Variants in HPSE2 observed in about 807,000 individuals in gnomAD.
HPSE2 encodes the protein inactive heparanase-2.
A neutral mutation model predicts 60.5 loss-of-function variants in HPSE2; 38 were observed. The observed-to-expected ratio is 0.63, with a 90% confidence interval of 0.48 to 0.82. HPSE2 has a LOEUF of 0.82. HPSE2 is among the 40% of genes least tolerant of loss of function. The probability of loss-of-function intolerance (pLI) is 0.00; values close to 1 mark genes in which losing one functional copy is unlikely to be tolerated. For missense variants in HPSE2, 713 were observed against 740.4 expected (o/e 0.96, Z 0.43); for synonymous variants, 295 against 293.2 (o/e 1.01, Z -0.06).
intron 9 of HPSE2, among the ~76,000 whole-genome samples, chr10:98,545,033 C>G (rs994157231): frequency 3.3e-5 from 5 of 152,124 alleles, no homozygotes; most frequent in Non-Finnish European, 5.9e-5. Context: ...CACCTCTACG[C>G]AAATAAACTA....
At chr10:98,867,190 A>T (rs1952609117) in intron 3 of HPSE2, among the ~76,000 whole-genome samples, 1 of 152,112 alleles carries the variant, frequency 6.6e-6, no homozygotes, top group African/African-American at 2.4e-5. Context: ...CACTTCATTC[A>T]GACTAAAAGG....
chr10:99,253,744 C>T, the HPSE2 span, among the ~76,000 whole-genome samples: 7,050 of 152,078 alleles, frequency 0.046, 221 homozygotes, highest in Non-Finnish European at 0.071. Context: ...CTATAAGGAA[C>T]TTAAACAACT....
chr10:99,148,039 T>C (rs1564844483), intron 2 of HPSE2, among the ~76,000 whole-genome samples: 1 of 152,234 alleles, frequency 6.6e-6, no homozygotes, highest in Non-Finnish European at 1.5e-5. Flanking sequence ...TTTAGTTGAA[T>C]ACCAGCTTAA....
chr10:98,618,640 G>A (rs1028055650), intron 8 of HPSE2, among the ~76,000 whole-genome samples: 5 of 152,070 alleles, frequency 3.3e-5, no homozygotes, highest in South Asian at 4.1e-4. Context: ...GCTGGAATGC[G>A]GTCTCAGCTC....
chr10:99,048,162 T>C (rs994636265), intron 3 of HPSE2: 5 of 739,324 alleles, frequency 6.8e-6, no homozygotes, highest in Non-Finnish European at 1.2e-5. Flanking sequence ...AACCCTTTGA[T>C]TGCTTGATCT....
intron 3 of HPSE2, among the ~76,000 whole-genome samples, chr10:99,127,579 C>G (rs1269934562): frequency 3.9e-5 from 6 of 152,150 alleles, no homozygotes; most frequent in Non-Finnish European, 8.8e-5. Context: ...ATTTGAGGGA[C>G]TAATTGGAGA....
intron 3 of HPSE2, among the ~76,000 whole-genome samples, chr10:98,914,953 T>C (rs1219247786): frequency 2.7e-5 from 4 of 150,880 alleles, no homozygotes; most frequent in South Asian, 4.3e-4. Context: ...TAAAGCAATA[T>C]ACAAAAGTAT....
At chr10:98,855,998 C>CAACAATAAAATCCAAACCCAGCT (rs1952305314) in intron 3 of HPSE2, among the ~76,000 whole-genome samples, 2 of 152,184 alleles carry the variant, frequency 1.3e-5, no homozygotes, top group South Asian at 4.1e-4. Context: ...GTAACCATAG[C>CAACAATAAAATCCAAACCCAGCT]AACAATAAAA....
chr10:99,207,917 C>A (rs1589822213), intron 2 of HPSE2, among the ~76,000 whole-genome samples: 2 of 151,120 alleles, frequency 1.3e-5, no homozygotes, highest in East Asian at 3.9e-4. Context: ...TACATACATA[C>A]CTATGATAAA....
intron 3 of HPSE2, among the ~76,000 whole-genome samples, chr10:98,919,682 A>G (rs189452701): frequency 7.3e-4 from 111 of 152,358 alleles, no homozygotes; most frequent in African/African-American, 2.5e-3. Context: ...CTTTCTGCTC[A>G]TATCAGAACA....
the HPSE2 span, among the ~76,000 whole-genome samples, chr10:99,307,778 G>A: frequency 6.7e-6 from 1 of 149,734 alleles, no homozygotes; most frequent in Non-Finnish European, 1.5e-5. Context: ...ATGCAAAAAT[G>A]ATAAATATGA....
intron 3 of HPSE2, among the ~76,000 whole-genome samples, chr10:98,759,099 C>G (rs976437957): frequency 6.6e-6 from 1 of 152,102 alleles, no homozygotes. Context: ...AAACCAAACA[C>G]TGCACATTCT....
In HPSE2 at chr10:98,459,579, G is replaced by C; in HGVS notation, c.1774C>G (p.Arg592Gly). 1 of 1,614,078 alleles carries C rather than the reference G, an allele frequency of 6.2e-7. No individual in the cohort carries two copies. Among genetic ancestry groups the C allele is most frequent in the Non-Finnish European group, 8.5e-7 (1 of 1,179,984 alleles). The change falls in exon 12 of 12, where the codon CGA (arginine) becomes GGA (glycine). Residue 592 changes from arginine (R) to glycine (G), a missense_variant. Coordinates refer to ENST00000370552, the MANE Select transcript of HPSE2 (RefSeq NM_021828.5). ...KNVNALACRY[R>G] is the part of the protein sequence containing the mutation. ...GCCGTGAGTGTGAGGATAGCTTATC[G>C]GTAGCGGCAGGCCAAAGCATTGACA...
At chr10:98,686,968 A>G (rs1947933405) in intron 6 of HPSE2, among the ~76,000 whole-genome samples, 1 of 152,112 alleles carries the variant, frequency 6.6e-6, no homozygotes, top group Admixed American at 6.5e-5. Flanking sequence ...TCCTTACTGT[A>G]TTTATTTTAA....
intron 2 of HPSE2, among the ~76,000 whole-genome samples, chr10:99,149,179 C>T (rs534078646): frequency 6.6e-6 from 1 of 152,176 alleles, no homozygotes; most frequent in African/African-American, 2.4e-5. Context: ...ACCCAAGAAC[C>T]AAACCTGTTC....
intron 3 of HPSE2, among the ~76,000 whole-genome samples, chr10:98,922,880 TTTGA>T (rs1954323897): frequency 6.6e-6 from 1 of 152,248 alleles, no homozygotes; most frequent in African/African-American, 2.4e-5. Context: ...AGCTGTTATC[TTTGA>T]TTGGTTCATC....
chr10:99,204,659 C>G (rs1002364216), intron 2 of HPSE2, among the ~76,000 whole-genome samples: 6 of 152,072 alleles, frequency 3.9e-5, no homozygotes, highest in Non-Finnish European at 8.8e-5. Context: ...AGACCTGTGA[C>G]CAGCACCATG....
chr10:99,125,231 C>A (rs2135720780), intron 3 of HPSE2, among the ~76,000 whole-genome samples: 1 of 152,310 alleles, frequency 6.6e-6, no homozygotes, highest in Non-Finnish European at 1.5e-5. Flanking sequence ...GATAAAAATC[C>A]TGAAAATTCA....
the HPSE2 span, among the ~76,000 whole-genome samples, chr10:99,296,752 G>C: frequency 6.6e-6 from 1 of 152,160 alleles, no homozygotes; most frequent in Non-Finnish European, 1.5e-5. Flanking sequence ...TATGGCAGTC[G>C]GAGATCTGGG....
Sources: gnomAD v4.1 joint callset for allele counts (sites outside exome capture counted in the v4.1 genomes callset) on GRCh38, gnomAD v4.1.1 for gene constraint, MANE v1.5 for transcripts, NCBI Gene and HGNC (gene_info 2026-07-23, HGNC 2026-07-21) for gene names.